Variants in POM121 observed in about 807,000 individuals in gnomAD.
POM121 encodes nuclear envelope pore membrane protein POM 121.
Under a neutral mutation model 81.3 loss-of-function variants are expected in POM121, and 32 were observed. The ratio of observed to expected loss-of-function variants is 0.39; its 90% CI spans 0.30 to 0.53. The LOEUF is 0.53. POM121 is among the 20% of genes least tolerant of loss of function. The pLI, the probability that POM121 is intolerant of heterozygous loss-of-function variation, is 0.66. For synonymous variants in POM121, 514 were observed against 694.2 expected (o/e 0.74, Z 4.08); for missense variants, 1,138 against 1,614.6 (o/e 0.70, Z 5.06).
At chr7:72,915,016 G>A (rs1324317407) in intron 4 of POM121, among the ~76,000 whole-genome samples, 1 of 152,216 alleles carries the variant, frequency 6.6e-6, no homozygotes, top group Non-Finnish European at 1.5e-5. Flanking sequence ...CTGCAGGGAA[G>A]AGGGTGAAGA....
rs1285617980 is a variant in POM121 at position 72,946,530 on chromosome 7, A to T, written c.*296A>T. The T allele has an allele frequency of 4.7e-5, 53 of 1,139,552 alleles. No homozygotes were observed. The South Asian group carries it at 4.7e-4, about 10-fold the overall frequency. 70.6% of individuals were successfully genotyped at this position (1,139,552 alleles called of 1,614,324 possible). A position where few individuals can be genotyped will look rare whatever the true frequency, so the allele number is the denominator to read the frequency against. ...CCTGTACATAGTGTCCGCTGCCCTGACTCCCGCTTAGCACACCCTTAGGCA... is the reference window on the plus strand; with the variant it reads ...CCTGTACATAGTGTCCGCTGCCCTGTCTCCCGCTTAGCACACCCTTAGGCA... On this transcript the variant is annotated 3_prime_UTR_variant, in exon 13 of 13. Transcript: ENST00000434423.
At chr7:72,894,643 G>C (rs1397810994) in intron 3 of POM121, among the ~76,000 whole-genome samples, 2 of 11,566 alleles carry the variant, frequency 1.7e-4, no homozygotes, top group African/African-American at 1.6e-4. Flanking sequence ...GAGAGAGAGA[G>C]AGAGAGAGAG....
At chr7:72,914,089 T>C (rs1794068190) in intron 4 of POM121, among the ~76,000 whole-genome samples, 1 of 152,266 alleles carries the variant, frequency 6.6e-6, no homozygotes, top group African/African-American at 2.4e-5. Context: ...CATGCCCTTC[T>C]GCTGTGTTGT....
rs573800039 is a variant in POM121, at chr7:72,900,877, A to G, written c.-216+9767A>G. ...TTTTGCTCTTTTTCTAGTTTCTTAA[A>G]ATGGAAGCTCAGATTCTTAAGTTTT... On this transcript the variant is annotated intron_variant, in intron 3 of 15. Coordinates refer to the POM121 transcript ENST00000395270. Among the ~76,000 whole-genome samples the G allele has an allele frequency of 2.3e-3, 351 of 151,310 alleles. 1 individual carries two copies. Among genetic ancestry groups the G allele is most frequent in the Admixed American group, 3.6e-3 (54 of 15,206 alleles).
At chr7:72,944,758 G>C (rs1314055861) in intron 11 of POM121, among the ~76,000 whole-genome samples, 1 of 148,904 alleles carries the variant, frequency 6.7e-6, no homozygotes, top group Non-Finnish European at 1.5e-5. Context: ...AGCAGTTGTG[G>C]TGACAGTGTG....
chr7:72,933,724 T>C (rs1796243733), intron 5 of POM121, among the ~76,000 whole-genome samples: 1 of 152,240 alleles, frequency 6.6e-6, no homozygotes, highest in African/African-American at 2.4e-5. Context: ...TAGGAAGTTA[T>C]CCTACACACA....
At chr7:72,926,545 A>G (rs1795465295) in intron 2 of POM121, 68 bp downstream of exon 2, 25 of 1,601,580 alleles carry the variant, frequency 1.6e-5, no homozygotes, top group South Asian at 1.3e-4. Flanking sequence ...AGTTGTTCCT[A>G]TGACATGACT....
intron 3 of POM121, among the ~76,000 whole-genome samples, chr7:72,900,415 A>C (rs1289036534): frequency 2.7e-5 from 4 of 149,092 alleles, no homozygotes; most frequent in Non-Finnish European, 6.0e-5. Flanking sequence ...CTTATTTTTA[A>C]TTGATCTTTT....
At chr7:72,898,795 C>CA (rs36029915) in intron 3 of POM121, among the ~76,000 whole-genome samples, 15,353 of 56,926 alleles carry the variant, frequency 0.27, 1,849 homozygotes, top group East Asian at 0.35. Context: ...GAGACTGTCT[C>CA]AAAAAAAAAA....
chr7:72,929,126 A>G lies in POM121; in HGVS notation c.1103+661A>G, dbSNP rs138141581. Among the ~76,000 whole-genome samples the G allele has an allele frequency of 3.0e-3, 457 of 152,318 alleles. 12 individuals are homozygous for G. The highest frequency in any genetic ancestry group is 0.025 in the Admixed American group (382 of 15,290). On this transcript the variant is annotated intron_variant, in intron 4 of 12. Coordinates refer to ENST00000434423, the MANE Select transcript of POM121 (RefSeq NM_001387691.1). ...TGTTAAGGAGATTTGCAACAGCCCA[A>G]AGGGGTGGTGGTGGATGTTGGGGTT...
In POM121 at chr7:72,926,333, A is replaced by T. The variant is rs782044453; in HGVS notation, c.716A>T (p.Tyr239Phe). 1 of 1,612,178 alleles carries T rather than the reference A, an allele frequency of 6.2e-7. No individual in the cohort carries two copies. The highest frequency in any genetic ancestry group is 8.5e-7 in the Non-Finnish European group (1 of 1,178,930). Reference protein sequence around the residue: ...RRRYPIHQAQYSCLGVLPTVC... With the variant: ...RRRYPIHQAQFSCLGVLPTVC... ...CGCTATCCGATCCATCAGGCCCAGT[A>T]TTCCTGTCTGGGGGTACTTCCCACC... Residue 239 changes from tyrosine to phenylalanine, a missense_variant, in exon 2 of 13, where the codon TAT becomes TTT. Tyr to Phe is a conservative substitution (Grantham distance 22). Coordinates refer to ENST00000434423, the MANE Select transcript of POM121 (RefSeq NM_001387691.1).
intron 3 of POM121, among the ~76,000 whole-genome samples, chr7:72,898,196 C>T (rs1305902901): frequency 3.9e-5 from 6 of 152,138 alleles, no homozygotes; most frequent in African/African-American, 9.6e-5. Context: ...TGGGAGAGTG[C>T]GAAATTGGGA....
At chr7:72,924,412 C>G (rs1448051385), upstream of POM121, 3 of 152,192 alleles carry the variant, frequency 2.0e-5, no homozygotes, top group Non-Finnish European at 4.4e-5. Flanking sequence ...TATTGGCAGA[C>G]TACCAGACTT....
chr7:72,919,788 C>T lies in POM121; in HGVS notation c.-152+5960C>T, dbSNP rs193031865. 2.8e-3 allele frequency among the ~76,000 whole-genome samples: 427 copies of T among 152,278 alleles called. 3 individuals are homozygous for T. Among genetic ancestry groups the T allele is most frequent in the Admixed American group, 0.023 (352 of 15,288 alleles). ...GTCTGAAAATATCTTTATTTCACTT[C>T]GCTAAAATATATTTTCATCACACAT... On this transcript the variant is annotated intron_variant, in intron 4 of 15. Coordinates refer to the POM121 transcript ENST00000395270.
chr7:72,914,655 T>C (rs1554494860), intron 4 of POM121, among the ~76,000 whole-genome samples: 1 of 152,134 alleles, frequency 6.6e-6, no homozygotes, highest in African/African-American at 2.4e-5. Context: ...AGCACAGGCG[T>C]GAGCCACCAT....
downstream of POM121, chr7:72,950,465 G>A (rs1476537146): frequency 2.1e-6 from 1 of 471,222 alleles, no homozygotes; most frequent in Non-Finnish European, 3.8e-6. Context: ...GTAGGTGTGA[G>A]GATTCAATGA....
chr7:72,924,041 G>A (rs1554496537), upstream of POM121, among the ~76,000 whole-genome samples: 4 of 151,020 alleles, frequency 2.6e-5, no homozygotes, highest in African/African-American at 9.7e-5. Context: ...CGCCTCCCGA[G>A]TTCACGCCAT....
intron 1 of POM121, among the ~76,000 whole-genome samples, chr7:72,883,309 T>A (rs1554489575): frequency 6.6e-6 from 1 of 152,222 alleles, no homozygotes; most frequent in Non-Finnish European, 1.5e-5. Context: ...GTGCTAGGAT[T>A]ACAGGCGTGA....
In POM121 at chr7:72,928,411, A is replaced by T; in HGVS notation, c.1049A>T (p.His350Leu). 1.9e-6 allele frequency: 3 copies of T among 1,614,258 alleles called. No homozygotes were observed. The highest frequency in any genetic ancestry group is 2.5e-6 in the Non-Finnish European group (3 of 1,180,034). ...CGCCATGATAGCAGTGGCAGTGGAC[A>T]TTCAGCATTTGAGCCCCTGGTGGCC... ...RRRHDSSGSG[H>L]SAFEPLVANG... Residue 350 changes from histidine to leucine, a missense_variant, in exon 4 of 13, where the codon CAT (histidine) becomes CTT (leucine). Physicochemically the swap from His to Leu is moderately conservative, Grantham distance 99. Around this residue, in one of 7 missense-constraint regions of POM121, gnomAD observed 646 missense variants for 633.5 expected, o/e 1.02. Coordinates refer to ENST00000434423, the MANE Select transcript of POM121 (RefSeq NM_001387691.1).
Sources: gnomAD v4.1 joint callset for allele counts (sites outside exome capture counted in the v4.1 genomes callset) on GRCh38, gnomAD v4.1.1 for gene constraint, gnomAD v4.1.1 regional missense constraint, MANE v1.5 for transcripts, NCBI Gene and HGNC (gene_info 2026-07-23, HGNC 2026-07-21) for gene names.